The following KCTD16 variants were observed in gnomAD, a reference collection of about 807,000 sequenced individuals.
The protein encoded by KCTD16 is BTB/POZ domain-containing protein KCTD16.
Under a neutral mutation model 33.2 loss-of-function variants are expected in KCTD16, and 13 were observed. That is an observed-to-expected ratio of 0.39 (90% confidence interval 0.25 to 0.62). The LOEUF is 0.62. Among genes scored for constraint, KCTD16 ranks in the 20% least tolerant of loss-of-function variants. KCTD16 has a pLI of 0.50. For missense variants in KCTD16, 441 were observed against 525.1 expected, an observed-to-expected ratio of 0.84 and a Z score of 1.57; for synonymous variants, 197 against 195.3, an observed-to-expected ratio of 1.01 and a Z score of -0.07.
intron 3 of KCTD16, among the ~76,000 whole-genome samples, chr5:144,318,216 T>G (rs1751976797): frequency 6.6e-6 from 1 of 152,184 alleles, no homozygotes; most frequent in Non-Finnish European, 1.5e-5. Flanking sequence ...GAGCGGCCTG[T>G]TCAAACCTTT....
chr5:144,306,911 C>T (rs1289840805), intron 3 of KCTD16, among the ~76,000 whole-genome samples: 1 of 152,198 alleles, frequency 6.6e-6, no homozygotes, highest in Non-Finnish European at 1.5e-5. Flanking sequence ...ATTGTTAACA[C>T]ATACCAGAAC....
chr5:144,265,598 G>T (rs112661935), intron 3 of KCTD16, among the ~76,000 whole-genome samples: 1 of 152,158 alleles, frequency 6.6e-6, no homozygotes, highest in Non-Finnish European at 1.5e-5. Flanking sequence ...AGGAATTCAC[G>T]AAGTTGGCTG....
intron 2 of KCTD16, among the ~76,000 whole-genome samples, chr5:144,190,944 C>A (rs1752828557): frequency 6.6e-6 from 1 of 152,184 alleles, no homozygotes. Context: ...CACACCACAA[C>A]ACACATAAAA....
chr5:144,254,251 C>T (rs906114578), intron 3 of KCTD16, among the ~76,000 whole-genome samples: 1 of 152,138 alleles, frequency 6.6e-6, no homozygotes, highest in African/African-American at 2.4e-5. Context: ...ATTCTCCTGC[C>T]TCAGCCTCCT....
intron 3 of KCTD16, among the ~76,000 whole-genome samples, chr5:144,456,496 G>A (rs901959238): frequency 3.3e-5 from 5 of 152,112 alleles, no homozygotes; most frequent in Admixed American, 1.3e-4. Flanking sequence ...GGGGTCAGGG[G>A]TAGGGAGGAC....
At chr5:144,312,187 G>T (rs1001217294) in intron 3 of KCTD16, among the ~76,000 whole-genome samples, 1 of 152,174 alleles carries the variant, frequency 6.6e-6, no homozygotes, top group Non-Finnish European at 1.5e-5. Context: ...CATTTGACTT[G>T]GGTGGCCCTC....
At chr5:144,205,245 C>G in intron 2 of KCTD16, 1 of 292,582 alleles carries the variant, frequency 3.4e-6, no homozygotes, top group Non-Finnish European at 6.3e-6. Flanking sequence ...CGCCGGAGCG[C>G]GGCGTCCCCG....
In KCTD16 at chr5:144,484,099, A is replaced by T. The variant is rs1754757148; in HGVS notation, c.*9985A>T. Reference sequence around the variant, plus strand: ...CCAAAGGAGAAAGTTGAATCAGGAAAATTTGTCTTAAAATATACTGCTTAG... The same window carrying T: ...CCAAAGGAGAAAGTTGAATCAGGAATATTTGTCTTAAAATATACTGCTTAG... On this transcript the variant is annotated 3_prime_UTR_variant, in exon 4 of 4. Coordinates refer to ENST00000512467, the MANE Select transcript of KCTD16 (RefSeq NM_020768.4). The T allele has an allele frequency of 6.6e-6, 1 of 151,898 alleles. No homozygotes were observed. Among genetic ancestry groups the T allele is most frequent in the Non-Finnish European group, 1.5e-5 (1 of 67,892 alleles). 9.4% of individuals were successfully genotyped at this position (151,898 alleles called of 1,614,324 possible).
intron 3 of KCTD16, among the ~76,000 whole-genome samples, chr5:144,457,227 G>C (rs148911621): frequency 9.2e-5 from 14 of 152,376 alleles, no homozygotes; most frequent in African/African-American, 3.4e-4. Flanking sequence ...TTGCTCTGCT[G>C]TCAAGAGAGA....
intron 3 of KCTD16, among the ~76,000 whole-genome samples, chr5:144,360,436 C>CT (rs79948952): frequency 0.028 from 3,975 of 144,222 alleles, 155 homozygotes; most frequent in East Asian, 0.12. Context: ...GAATTCATCC[C>CT]TTTTTTTTTT....
At chr5:144,338,104 C>G (rs1194857547) in intron 3 of KCTD16, among the ~76,000 whole-genome samples, 2 of 152,154 alleles carry the variant, frequency 1.3e-5, no homozygotes, top group African/African-American at 4.8e-5. Flanking sequence ...CTCGGACTTT[C>G]TTCCCCATCG....
At chr5:144,456,705 G>C (rs1754071582) in intron 3 of KCTD16, among the ~76,000 whole-genome samples, 1 of 150,962 alleles carries the variant, frequency 6.6e-6, no homozygotes, top group Admixed American at 6.6e-5. Flanking sequence ...TGTCGATCTG[G>C]GCTTTTGAAT....
intron 3 of KCTD16, among the ~76,000 whole-genome samples, chr5:144,404,763 G>C (rs1272549656): frequency 1.3e-5 from 2 of 152,114 alleles, no homozygotes; most frequent in Non-Finnish European, 2.9e-5. Context: ...GGTTTGCTTG[G>C]TGGGGAAATT....
chr5:144,377,345 A>T (rs1752116645), intron 3 of KCTD16, among the ~76,000 whole-genome samples: 1 of 152,202 alleles, frequency 6.6e-6, no homozygotes, highest in African/African-American at 2.4e-5. Context: ...TGGTAAATTT[A>T]TATCCTGGCT....
intron 3 of KCTD16, among the ~76,000 whole-genome samples, chr5:144,433,639 C>T (rs1446195663): frequency 6.6e-6 from 1 of 152,112 alleles, no homozygotes; most frequent in Non-Finnish European, 1.5e-5. Flanking sequence ...AGAAAACCAG[C>T]ATGTGATGTC....
At chr5:144,183,332 A>G in intron 2 of KCTD16, among the ~76,000 whole-genome samples, 1 of 152,186 alleles carries the variant, frequency 6.6e-6, no homozygotes, top group East Asian at 1.9e-4. Context: ...ACACAGTTGG[A>G]TAACTATTCC....
chr5:144,343,911 A>G (rs1008551045), intron 3 of KCTD16, among the ~76,000 whole-genome samples: 1 of 152,152 alleles, frequency 6.6e-6, no homozygotes, highest in African/African-American at 2.4e-5. Flanking sequence ...CTGAATCCTA[A>G]GCCAAAAGAA....
At chr5:144,226,771 C>T (rs1753944555) in intron 3 of KCTD16, among the ~76,000 whole-genome samples, 1 of 152,040 alleles carries the variant, frequency 6.6e-6, no homozygotes, top group Non-Finnish European at 1.5e-5. Context: ...TGGGATTTCG[C>T]CATGTTGGTC....
intron 2 of KCTD16, among the ~76,000 whole-genome samples, chr5:144,188,433 G>A (rs1268886888): frequency 1.3e-5 from 2 of 152,176 alleles, no homozygotes; most frequent in African/African-American, 2.4e-5. Flanking sequence ...TGATACATCT[G>A]GTGGTAAGCT....
Sources: gnomAD v4.1 joint callset for allele counts (sites outside exome capture counted in the v4.1 genomes callset) on GRCh38, gnomAD v4.1.1 for gene constraint, MANE v1.5 for transcripts, NCBI Gene and HGNC (gene_info 2026-07-23, HGNC 2026-07-21) for gene names.